The following TENM3 variants were observed in gnomAD, a reference collection of about 807,000 sequenced individuals.
TENM3 encodes teneurin transmembrane protein 3, also known as teneurin-3.
TENM3 carries 63 observed loss-of-function variants against 255.1 expected under a neutral mutation model. That is an observed-to-expected ratio of 0.25 (90% confidence interval 0.20 to 0.30). The LOEUF is 0.30. Among genes scored for constraint, TENM3 ranks in the 10% least tolerant of loss-of-function variants. The pLI, the probability that TENM3 is intolerant of heterozygous loss-of-function variation, is 1.00. For missense variants in TENM3, 2,929 were observed against 3,461.1 expected (o/e 0.85, Z 3.86); for synonymous variants, 1,306 against 1,322.3 (o/e 0.99, Z 0.27).
intron 2 of TENM3, among the ~76,000 whole-genome samples, chr4:182,326,351 G>T (rs2675529): frequency 0.052 from 7,867 of 152,174 alleles, 542 homozygotes; most frequent in African/African-American, 0.16. Flanking sequence ...GATTGAGACG[G>T]ATGAGGTTTG....
chr4:182,704,733 T>G (rs2152650542), intron 12 of TENM3, among the ~76,000 whole-genome samples: 1 of 152,222 alleles, frequency 6.6e-6, no homozygotes, highest in South Asian at 2.1e-4. Flanking sequence ...CAAAAGCAGT[T>G]TATTTGAAGC....
the TENM3 span, among the ~76,000 whole-genome samples, chr4:181,636,158 A>G: frequency 0.097 from 14,785 of 151,986 alleles, 837 homozygotes; most frequent in East Asian, 0.18. Context: ...CGATTCTCCT[A>G]TCTCAGCCTC....
intron 3 of TENM3, among the ~76,000 whole-genome samples, chr4:182,360,348 G>A (rs888367066): frequency 7.6e-6 from 1 of 131,950 alleles, no homozygotes. Flanking sequence ...ATTAATGTGT[G>A]GGAGTCTAAG....
intron 3 of TENM3, among the ~76,000 whole-genome samples, chr4:182,469,939 G>C (rs1168931743): frequency 6.6e-6 from 1 of 152,096 alleles, no homozygotes; most frequent in Admixed American, 6.6e-5. Context: ...AGGACATCTG[G>C]AAGAGTTCCT....
the TENM3 span, among the ~76,000 whole-genome samples, chr4:181,692,095 G>T: frequency 1.3e-5 from 2 of 152,134 alleles, no homozygotes; most frequent in Admixed American, 1.3e-4. Context: ...ATGGATGAAC[G>T]AATTGATGCA....
At chr4:181,484,546 A>AATT in the TENM3 span, among the ~76,000 whole-genome samples, 3 of 152,286 alleles carry the variant, frequency 2.0e-5, no homozygotes, top group African/African-American at 7.2e-5. Context: ...ATTCAATCTA[A>AATT]ATTTACTGCA....
intron 1 of TENM3, among the ~76,000 whole-genome samples, chr4:182,280,934 C>T (rs902918879): frequency 3.3e-5 from 5 of 152,184 alleles, no homozygotes; most frequent in Non-Finnish European, 7.3e-5. Context: ...GTTTGTAAAC[C>T]ACTAGACTAG....
Position 182,792,148 on chromosome 4 carries a change from G to A in TENM3, c.5602-126G>A. 2 of 944,630 alleles carry A rather than the reference G, an allele frequency of 2.1e-6. No individual in the cohort carries two copies. Among genetic ancestry groups the A allele is most frequent in the South Asian group, 1.7e-5 (1 of 59,822 alleles). The allele number at this position is 944,630 out of a possible 1,614,324, so 58.5% of individuals were successfully genotyped here. A position where few individuals can be genotyped will look rare whatever the true frequency, so the allele number is the denominator to read the frequency against. On this transcript the variant is annotated intron_variant, in intron 25 of 27. Transcript: ENST00000511685. This position sits in a 1 kb window ranked among gnomAD's most constrained non-coding sequence, Gnocchi z 6.3. ...AAACGTTAACAACACGCAAGGTCAA[G>A]GATAACTCAATTAAAATGAAAATCA...
At chr4:182,760,714 A>G (rs58498853) in intron 22 of TENM3, among the ~76,000 whole-genome samples, 3,156 of 152,166 alleles carry the variant, frequency 0.021, 115 homozygotes, top group African/African-American at 0.073. Context: ...TGGGTGGTTT[A>G]TTGTCCCTCA....
At chr4:182,314,287 C>T (rs547556118) in intron 1 of TENM3, among the ~76,000 whole-genome samples, 17 of 150,932 alleles carry the variant, frequency 1.1e-4, no homozygotes, top group Non-Finnish European at 2.2e-4. Context: ...GGCGACAGAG[C>T]GAGACTCCGT....
intron 3 of TENM3, among the ~76,000 whole-genome samples, chr4:182,523,352 C>A (rs1738780071): frequency 6.6e-6 from 1 of 152,262 alleles, no homozygotes; most frequent in Admixed American, 6.5e-5. Context: ...TTTCTCCTTT[C>A]TGCTTTTACC....
At chr4:182,540,523 G>A (rs990552268) in intron 3 of TENM3, among the ~76,000 whole-genome samples, 2 of 152,006 alleles carry the variant, frequency 1.3e-5, no homozygotes, top group Admixed American at 1.3e-4. Flanking sequence ...GGAGGCGGAG[G>A]TTACGGTGAG....
intron 3 of TENM3, among the ~76,000 whole-genome samples, chr4:182,581,554 A>G (rs1745496776): frequency 6.6e-6 from 1 of 152,118 alleles, no homozygotes; most frequent in Non-Finnish European, 1.5e-5. Context: ...CCTGGCCAAC[A>G]TGGTGAAAAC....
chr4:181,563,365 A>C, the TENM3 span, among the ~76,000 whole-genome samples: 1 of 152,286 alleles, frequency 6.6e-6, no homozygotes, highest in South Asian at 2.1e-4. Context: ...TCTGTGCCCA[A>C]GTTTCCCCTT....
At chr4:181,696,002 C>A in the TENM3 span, among the ~76,000 whole-genome samples, 1 of 151,714 alleles carries the variant, frequency 6.6e-6, no homozygotes, top group Non-Finnish European at 1.5e-5. Flanking sequence ...TTGGAAATGT[C>A]ATTTAGAAGA....
the TENM3 span, among the ~76,000 whole-genome samples, chr4:182,061,998 C>T: frequency 6.6e-6 from 1 of 152,036 alleles, no homozygotes; most frequent in African/African-American, 2.4e-5. Flanking sequence ...TAAATATTTG[C>T]ATTGTTGGAG....
At chr4:182,764,691 G>A (rs1248486118) in intron 22 of TENM3, among the ~76,000 whole-genome samples, 1 of 152,202 alleles carries the variant, frequency 6.6e-6, no homozygotes, top group Non-Finnish European at 1.5e-5. Context: ...TCGAATGTGT[G>A]TGGGGAGGAG....
chr4:182,623,906 G>A (rs182184099), intron 4 of TENM3, among the ~76,000 whole-genome samples: 8 of 152,210 alleles, frequency 5.3e-5, no homozygotes, highest in Admixed American at 3.9e-4. Context: ...AAGTAATTCC[G>A]CTTCTTAGAA....
intron 1 of TENM3, among the ~76,000 whole-genome samples, chr4:182,316,481 C>G (rs1477142204): frequency 6.6e-6 from 1 of 151,986 alleles, no homozygotes; most frequent in African/African-American, 2.4e-5. Context: ...GCCCCAGGGA[C>G]ATTTGGTAAT....
Sources: gnomAD v4.1 joint callset for allele counts (sites outside exome capture counted in the v4.1 genomes callset) on GRCh38, gnomAD v4.1.1 for gene constraint, Gnocchi (gnomAD v3.1) non-coding constraint, MANE v1.5 for transcripts, NCBI Gene and HGNC (gene_info 2026-07-23, HGNC 2026-07-21) for gene names.